GFOD1: variants seen among roughly 807,000 people sequenced by gnomAD.
GFOD1 encodes Gfo/Idh/MocA-like oxidoreductase domain containing 1.
In GFOD1, 9 loss-of-function variants were observed where a neutral mutation model predicts 25.4. The ratio of observed to expected loss-of-function variants is 0.35; its 90% CI spans 0.21 to 0.62. GFOD1 has a LOEUF of 0.62. GFOD1 is among the 20% of genes least tolerant of loss of function. GFOD1 has a pLI of 0.72. For synonymous variants in GFOD1, 253 were observed against 245.6 expected, an observed-to-expected ratio of 1.03 and a Z score of -0.28; for missense variants, 403 against 556.9, an observed-to-expected ratio of 0.72 and a Z score of 2.78.
intron 1 of GFOD1, among the ~76,000 whole-genome samples, chr6:13,460,785 T>C (rs1340735139): frequency 6.6e-6 from 1 of 152,166 alleles, no homozygotes; most frequent in African/African-American, 2.4e-5. Context: ...TGGCACACAT[T>C]CACCTATGTA....
chr6:13,366,578 C>T (rs1703562008), intron 1 of GFOD1, among the ~76,000 whole-genome samples: 1 of 152,164 alleles, frequency 6.6e-6, no homozygotes, highest in Non-Finnish European at 1.5e-5. Context: ...TCATGATCCG[C>T]CCACCTCAGC....
intron 1 of GFOD1, among the ~76,000 whole-genome samples, chr6:13,463,205 G>A (rs919953549): frequency 1.3e-5 from 2 of 152,200 alleles, no homozygotes; most frequent in Non-Finnish European, 2.9e-5. Flanking sequence ...AATGCAGAAG[G>A]GTGGGGCTGG....
chr6:13,384,235 G>A (rs1562199993), intron 1 of GFOD1, among the ~76,000 whole-genome samples: 1 of 152,098 alleles, frequency 6.6e-6, no homozygotes, highest in African/African-American at 2.4e-5. Context: ...CAAAAACTAA[G>A]CTAAACTAAA....
At chr6:13,475,637 G>T (rs1436286941) in intron 1 of GFOD1, among the ~76,000 whole-genome samples, 8 of 151,608 alleles carry the variant, frequency 5.3e-5, no homozygotes, top group Non-Finnish European at 1.0e-4. Context: ...AGAATTGCTT[G>T]AACCCTGAAG....
At chr6:13,439,273 A>G (rs1757879549) in intron 1 of GFOD1, among the ~76,000 whole-genome samples, 1 of 152,228 alleles carries the variant, frequency 6.6e-6, no homozygotes, top group African/African-American at 2.4e-5. Flanking sequence ...TGTAATTTCA[A>G]GTGGATTTGG....
At position 13,365,951 on chromosome 6, in the gene GFOD1, G is replaced by A. The variant is rs1785038647; in HGVS notation, c.254-289C>T. Among the ~76,000 whole-genome samples the A allele has an allele frequency of 2.7e-5, 4 of 149,352 alleles. No homozygotes were observed. The South Asian group carries it at 8.5e-4, about 32-fold the overall frequency. On this transcript the variant is annotated intron_variant, in intron 1 of 1. Transcript: ENST00000379287. The surrounding 1 kb of genome is among the most constrained non-coding windows in gnomAD (Gnocchi z 9.2). Reference sequence around the variant, plus strand: ...GCCGGGCGTGGTGGTGCACGCCTGTGGTCCCAGCTACTCAGGAGGCCGAAG... The same window carrying A: ...GCCGGGCGTGGTGGTGCACGCCTGTAGTCCCAGCTACTCAGGAGGCCGAAG...
chr6:13,426,042 C>T (rs1202926943), intron 1 of GFOD1, among the ~76,000 whole-genome samples: 3 of 152,246 alleles, frequency 2.0e-5, no homozygotes, highest in Admixed American at 6.5e-5. Flanking sequence ...AGCAGGCTCA[C>T]GCCAGGCAGT....
intron 1 of GFOD1, among the ~76,000 whole-genome samples, chr6:13,403,538 G>T (rs1785889945): frequency 6.6e-6 from 1 of 152,210 alleles, no homozygotes; most frequent in African/African-American, 2.4e-5. Context: ...GTAGGCAATT[G>T]TAACACAGGG....
At chr6:13,407,616 C>A (rs764226162) in intron 1 of GFOD1, among the ~76,000 whole-genome samples, 1 of 152,112 alleles carries the variant, frequency 6.6e-6, no homozygotes, top group African/African-American at 2.4e-5. Flanking sequence ...GAGAAAATTG[C>A]CTGAGATGGC....
At chr6:13,455,806 C>T (rs970607640) in intron 1 of GFOD1, among the ~76,000 whole-genome samples, 4 of 152,224 alleles carry the variant, frequency 2.6e-5, no homozygotes, top group African/African-American at 7.2e-5. Context: ...TGGAACTCTG[C>T]TAACAGGGAG....
chr6:13,412,012 T>C (rs1412871862), intron 1 of GFOD1, among the ~76,000 whole-genome samples: 1 of 152,176 alleles, frequency 6.6e-6, no homozygotes, highest in African/African-American at 2.4e-5. Flanking sequence ...AGAGCTACTT[T>C]AGAGCTATTG....
At position 13,361,816 on chromosome 6, in the gene GFOD1, T is replaced by C. The variant is rs1252491611; in HGVS notation, c.*2927A>G. The C allele has an allele frequency of 6.6e-6, 1 of 152,250 alleles. No individual in the cohort carries two copies. Among genetic ancestry groups the C allele is most frequent in the Admixed American group, 6.5e-5 (1 of 15,290 alleles). 9.4% of individuals were successfully genotyped at this position (152,250 alleles called of 1,614,324 possible). A position where few individuals can be genotyped will look rare whatever the true frequency, so the allele number is the denominator to read the frequency against. On this transcript the variant is annotated 3_prime_UTR_variant, in exon 2 of 2. Transcript: ENST00000379287. ...ACACACTAAAATATTTTTTCATGCCTCTTTTAAAGAATATATGTTCTTTCT... is the reference window on the plus strand; with the variant it reads ...ACACACTAAAATATTTTTTCATGCCCCTTTTAAAGAATATATGTTCTTTCT...
At chr6:13,399,790 G>C (rs1407554131) in intron 1 of GFOD1, among the ~76,000 whole-genome samples, 1 of 152,162 alleles carries the variant, frequency 6.6e-6, no homozygotes, top group Non-Finnish European at 1.5e-5. Context: ...CGGAATGATT[G>C]GAAATTTCCA....
intron 1 of GFOD1, among the ~76,000 whole-genome samples, chr6:13,381,915 G>GCGCGCACACACA (rs748305101): frequency 1.0e-4 from 14 of 140,052 alleles, no homozygotes; most frequent in African/African-American, 3.6e-4. Flanking sequence ...ACGCGCGCGC[G>GCGCGCACACACA]CACACACACA....
intron 1 of GFOD1, among the ~76,000 whole-genome samples, chr6:13,370,221 TC>T (rs1785123578): frequency 6.6e-6 from 1 of 152,176 alleles, no homozygotes; most frequent in Admixed American, 6.5e-5. Context: ...TGCCAGGTCT[TC>T]TTGCTCCATT....
intron 1 of GFOD1, among the ~76,000 whole-genome samples, chr6:13,383,593 C>A (rs907927313): frequency 1.3e-5 from 2 of 152,200 alleles, no homozygotes; most frequent in Non-Finnish European, 2.9e-5. Context: ...AAGTGCAGTG[C>A]CCCATAGGCA....
At chr6:13,480,217 C>G (rs1758717363) in intron 1 of GFOD1, among the ~76,000 whole-genome samples, 1 of 152,168 alleles carries the variant, frequency 6.6e-6, no homozygotes, top group South Asian at 2.1e-4. Flanking sequence ...CTCATGGAAA[C>G]CCTGTGGCCT....
chr6:13,377,900 C>T (rs1422655528), intron 1 of GFOD1, among the ~76,000 whole-genome samples: 1 of 152,136 alleles, frequency 6.6e-6, no homozygotes, highest in Non-Finnish European at 1.5e-5. Context: ...CAGTGAGGTG[C>T]TCTAGGGTTT....
rs1584660818 is a variant in GFOD1, at chr6:13,453,023, A to G, written c.253+33615T>C. 2.0e-5 allele frequency among the ~76,000 whole-genome samples: 3 copies of G among 152,378 alleles called. No homozygotes were observed. The South Asian group carries it at 6.2e-4, about 32-fold the overall frequency. ...GTGTTTTTCAGCAAACTTTGTGAACATTCACATGCCGGGAAAGAAGATAAA... is the reference window on the plus strand; with the variant it reads ...GTGTTTTTCAGCAAACTTTGTGAACGTTCACATGCCGGGAAAGAAGATAAA... On this transcript the variant is annotated intron_variant, in intron 1 of 1. Transcript: ENST00000379287.
Sources: gnomAD v4.1 joint callset for allele counts (sites outside exome capture counted in the v4.1 genomes callset) on GRCh38, gnomAD v4.1.1 for gene constraint, Gnocchi (gnomAD v3.1) non-coding constraint, MANE v1.5 for transcripts, NCBI Gene and HGNC (gene_info 2026-07-23, HGNC 2026-07-21) for gene names.